Variants in CHODL observed in about 807,000 individuals in gnomAD.
The protein encoded by CHODL is chondrolectin.
A neutral mutation model predicts 34.5 loss-of-function variants in CHODL; 29 were observed. The ratio of observed to expected loss-of-function variants is 0.84; its 90% CI spans 0.63 to 1.15. The LOEUF (loss-of-function observed/expected upper bound fraction) is 1.15. CHODL is among the 50% of genes most tolerant of loss of function. The pLI, the probability that CHODL is intolerant of heterozygous loss-of-function variation, is 0.00. For missense variants in CHODL, 332 were observed against 332.5 expected (o/e 1.00, Z 0.01); for synonymous variants, 125 against 116.1 (o/e 1.08, Z -0.49).
At chr21:18,162,616 A>G (rs2073109822) in intron 2 of CHODL, among the ~76,000 whole-genome samples, 1 of 152,114 alleles carries the variant, frequency 6.6e-6, no homozygotes, top group African/African-American at 2.4e-5. Flanking sequence ...TCACATTTTG[A>G]GGTGCTGAAA....
intron 2 of CHODL, among the ~76,000 whole-genome samples, chr21:18,162,096 A>G (rs966317350): frequency 2.0e-5 from 3 of 152,168 alleles, no homozygotes; most frequent in Non-Finnish European, 4.4e-5. Flanking sequence ...CTCCTCCTGT[A>G]TGTACCCAAA....
In CHODL at chr21:18,182,183, A is replaced by G. The variant is rs372615867; in HGVS notation, c.-44-74326A>G. Among the ~76,000 whole-genome samples the G allele has an allele frequency of 3.3e-5, 5 of 152,250 alleles. No homozygotes were observed. In the South Asian group the frequency reaches 6.2e-4, roughly 19 times the overall value. On this transcript the variant is annotated intron_variant, in intron 2 of 6. Coordinates refer to the CHODL transcript ENST00000400127. ...TACTTTACCCTCCCATCAGCAACAT[A>G]CGGTATCAATTTGAATTGATATCAG... is the stretch of plus-strand genomic sequence containing the variant.
chr21:18,080,646 T>C (rs1220624106), intron 2 of CHODL, among the ~76,000 whole-genome samples: 1 of 152,190 alleles, frequency 6.6e-6, no homozygotes, highest in Admixed American at 6.5e-5. Flanking sequence ...GTTGTAGGTA[T>C]GTGGCTCTAT....
intron 2 of CHODL, among the ~76,000 whole-genome samples, chr21:18,108,764 T>C (rs1055383400): frequency 6.6e-6 from 1 of 151,366 alleles, no homozygotes; most frequent in Non-Finnish European, 1.5e-5. Flanking sequence ...AGTAAGGGAG[T>C]CACACAAAGA....
At position 18,145,362 on chromosome 21, in the gene CHODL, G is replaced by C. The variant is rs373673646; in HGVS notation, c.-44-111147G>C. Among the ~76,000 whole-genome samples the C allele has an allele frequency of 2.7e-3, 400 of 147,932 alleles. 5 individuals carry two copies. In the East Asian group the frequency reaches 0.047, roughly 17 times the overall value. ...TGAGGCAGGAGAATGGCGTGAACCC[G>C]GGAGGCGGAGCTGGCAGTGAGCCAA... On this transcript the variant is annotated intron_variant, in intron 2 of 6. Coordinates refer to the CHODL transcript ENST00000400127.
Position 17,979,207 on chromosome 21 carries a change from C to G in CHODL, c.-144-48665C>G, listed in dbSNP as rs576603318. On this transcript the variant is annotated intron_variant, in intron 1 of 6. Coordinates refer to the CHODL transcript ENST00000400127. Reference sequence around the variant, plus strand: ...ATTAGCCATGGACATCTTTGGGGGACCATTTTGCCTACCACAGACAGAAAA... The same window carrying G: ...ATTAGCCATGGACATCTTTGGGGGAGCATTTTGCCTACCACAGACAGAAAA... 5.9e-5 allele frequency among the ~76,000 whole-genome samples: 9 copies of G among 152,162 alleles called. No homozygotes were observed. The East Asian group carries it at 1.2e-3, about 20-fold the overall frequency.
At chr21:18,074,035 C>T (rs560299255) in intron 2 of CHODL, among the ~76,000 whole-genome samples, 7 of 151,804 alleles carry the variant, frequency 4.6e-5, no homozygotes, top group East Asian at 1.9e-4. Flanking sequence ...GCTGAAATGT[C>T]GAAAGAATAC....
chr21:18,047,975 G>A (rs547596433), intron 2 of CHODL, among the ~76,000 whole-genome samples: 2 of 151,988 alleles, frequency 1.3e-5, no homozygotes, highest in Non-Finnish European at 2.9e-5. Context: ...TGTATTGCTT[G>A]TGCTGTATCT....
At chr21:18,162,441 C>CTT (rs1229997984) in intron 2 of CHODL, among the ~76,000 whole-genome samples, 1 of 151,328 alleles carries the variant, frequency 6.6e-6, no homozygotes, top group African/African-American at 2.4e-5. Flanking sequence ...CTCTCTTTCT[C>CTT]TTTCTCTCTC....
At chr21:18,239,481 C>G (rs931880307) in intron 2 of CHODL, among the ~76,000 whole-genome samples, 1 of 151,222 alleles carries the variant, frequency 6.6e-6, no homozygotes, top group Non-Finnish European at 1.5e-5. Flanking sequence ...TATGTCAGCT[C>G]ACATAATACA....
intron 2 of CHODL, among the ~76,000 whole-genome samples, chr21:18,165,177 G>A (rs574339459): frequency 8.5e-5 from 13 of 152,226 alleles, no homozygotes; most frequent in African/African-American, 3.1e-4. Context: ...ATTGACAATC[G>A]TCATTTGGGA....
intron 2 of CHODL, among the ~76,000 whole-genome samples, chr21:18,174,379 T>C (rs2073281066): frequency 6.6e-6 from 1 of 151,792 alleles, no homozygotes; most frequent in East Asian, 1.9e-4. Context: ...TATCTACTAG[T>C]TTTCTTTGAA....
At chr21:18,133,124 A>G (rs1284021047) in intron 2 of CHODL, among the ~76,000 whole-genome samples, 5 of 150,932 alleles carry the variant, frequency 3.3e-5, no homozygotes, top group African/African-American at 1.2e-4. Flanking sequence ...TGTTAGAAAA[A>G]GCGGTGTATG....
chr21:18,187,533 T>G (rs2073458915), intron 2 of CHODL, among the ~76,000 whole-genome samples: 1 of 152,240 alleles, frequency 6.6e-6, no homozygotes, highest in African/African-American at 2.4e-5. Context: ...TACTGTTTCC[T>G]TCTTCTTCCA....
At chr21:18,159,932 C>T (rs902943875) in intron 2 of CHODL, among the ~76,000 whole-genome samples, 5 of 152,122 alleles carry the variant, frequency 3.3e-5, no homozygotes, top group Admixed American at 6.5e-5. Context: ...TAAGAGTCTT[C>T]GGAAAGGAAC....
At chr21:18,147,832 A>T (rs2072914242) in intron 2 of CHODL, among the ~76,000 whole-genome samples, 1 of 152,222 alleles carries the variant, frequency 6.6e-6, no homozygotes, top group Admixed American at 6.5e-5. Flanking sequence ...TCAGCTAGTA[A>T]GTTGATGAAC....
At chr21:18,057,732 C>G (rs1200436217) in intron 2 of CHODL, among the ~76,000 whole-genome samples, 1 of 151,968 alleles carries the variant, frequency 6.6e-6, no homozygotes, top group Non-Finnish European at 1.5e-5. Flanking sequence ...GCCGCTGTAT[C>G]TCTTGTCTCT....
intron 2 of CHODL, among the ~76,000 whole-genome samples, chr21:18,102,220 T>A (rs2065223957): frequency 6.6e-6 from 1 of 152,174 alleles, no homozygotes; most frequent in South Asian, 2.1e-4. Flanking sequence ...CCTTACAACA[T>A]CTTGGTTATC....
chr21:18,144,474 C>T (rs73893005), intron 2 of CHODL, among the ~76,000 whole-genome samples: 28 of 152,134 alleles, frequency 1.8e-4, no homozygotes, highest in Admixed American at 5.9e-4. Flanking sequence ...CACTTTCAAC[C>T]GGTGTGCATG....
Sources: allele counts gnomAD v4.1 joint callset (sites outside exome capture counted in the v4.1 genomes callset), GRCh38; gene constraint gnomAD v4.1.1; transcripts MANE v1.5; gene names NCBI Gene and HGNC (gene_info 2026-07-23, HGNC 2026-07-21).